ANKS3: variants seen among roughly 807,000 people sequenced by gnomAD.
The protein encoded by ANKS3 is ankyrin repeat and SAM domain-containing protein 3.
Under a neutral mutation model 80.7 loss-of-function variants are expected in ANKS3, and 62 were observed. The observed-to-expected ratio is 0.77, with a 90% CI of 0.63 to 0.95. The LOEUF (loss-of-function observed/expected upper bound fraction) is 0.95. Among genes scored for constraint, ANKS3 ranks in the 40% least tolerant of loss-of-function variants. ANKS3 has a pLI of 0.00. For missense variants in ANKS3, 1,150 were observed against 883.6 expected (o/e 1.30, Z -3.82); for synonymous variants, 489 against 355.3 (o/e 1.38, Z -4.23).
chr16:4,700,936 T>C, intron 11 of ANKS3, 34 bp downstream of exon 11: 2 of 1,613,098 alleles, frequency 1.2e-6, no homozygotes, highest in Non-Finnish European at 1.7e-6. Flanking sequence ...GTGCCGTCTC[T>C]GAGTGTAACC....
Position 4,700,962 on chromosome 16 carries a change from G to T in ANKS3, c.1284+8C>A. ...GAGTGTAACCTCCAGTTTCACAAGC[G>T]GTCTTACCTGGGGTCCTGAGTAGGG... is the stretch of plus-strand genomic sequence containing the variant. On this transcript the variant is annotated splice_region_variant and intron_variant, in intron 11 of 17. Transcript: ENST00000304283. The T allele has an allele frequency of 6.2e-7, 1 of 1,613,866 alleles. No individual in the cohort carries two copies. Among genetic ancestry groups the T allele is most frequent in the Non-Finnish European group, 8.5e-7 (1 of 1,180,008 alleles).
Position 4,701,511 on chromosome 16 carries a change from C to G in ANKS3, c.1042G>C (p.Val348Leu), listed in dbSNP as rs550173236. The G allele has an allele frequency of 5.0e-6, 8 of 1,611,790 alleles. No homozygotes were observed. The South Asian group carries it at 5.5e-5, about 11-fold the overall frequency. ...CCCTCGCTGCTGCTGCTGCTCTGGA[C>G]GGGCCCCAGGTTGGCACAGAAAGCA... ...EHAFCANLGP[V>L]QSSSSSEGLA... Residue 348 changes from valine to leucine, a missense_variant, in exon 10 of 18, where the codon GTC (valine) becomes CTC (leucine). Physicochemically the swap from Val to Leu is conservative, Grantham distance 32. Transcript: ENST00000304283.
rs550754028 is a variant in ANKS3 at position 4,698,711 on chromosome 16, C to G, written c.1551+89G>C. ...CCTCTCCCCACTGCATCCACCTGAC[C>G]CCTCCACACAGCACCCACCTTTTCT... On this transcript the variant is annotated intron_variant, in intron 13 of 17. Coordinates refer to ENST00000304283, the MANE Select transcript of ANKS3 (RefSeq NM_133450.4). The G allele has an allele frequency of 3.9e-6, 6 of 1,540,614 alleles. No individual in the cohort carries two copies. In the African/African-American group the frequency reaches 6.8e-5, roughly 17 times the overall value.
intron 1 of ANKS3, among the ~76,000 whole-genome samples, chr16:4,732,862 T>C (rs758879956): frequency 6.6e-6 from 1 of 152,090 alleles, no homozygotes; most frequent in Non-Finnish European, 1.5e-5. Flanking sequence ...ATGTGGTACT[T>C]AGACACAATG....
Position 4,731,561 on chromosome 16 carries a change from G to A in ANKS3, c.-52C>T, listed in dbSNP as rs1020297639. The A allele has an allele frequency of 1.8e-5, 16 of 892,602 alleles. No homozygotes were observed. Among genetic ancestry groups the A allele is most frequent in the East Asian group, 1.2e-4 (1 of 8,404 alleles). 55.3% of individuals were successfully genotyped at this position (892,602 alleles called of 1,614,324 possible). A position where few individuals can be genotyped will look rare whatever the true frequency, so the allele number is the denominator to read the frequency against. On this transcript the variant is annotated 5_prime_UTR_variant, in exon 2 of 18. It adds an upstream start codon to the 5' untranslated region. Coordinates refer to ENST00000304283, the MANE Select transcript of ANKS3 (RefSeq NM_133450.4). ...CTCTCAAAGTCCTGGAAATATAGGC[G>A]TGAGCCACTGCACCTGGCCTGTAAA...
In ANKS3 at chr16:4,710,978, G is replaced by A. The variant is rs192809098; in HGVS notation, c.709+3073C>T. Among the ~76,000 whole-genome samples, 398 of 151,712 alleles carry A rather than the reference G, an allele frequency of 2.6e-3. 4 individuals are homozygous for A. The highest frequency in any genetic ancestry group is 9.3e-3 in the African/African-American group (384 of 41,338). Reference sequence around the variant, plus strand: ...TTATTTTTGTATTTTTAGTGGAGACGGGGTTTCACCATGTTGGCCAGGCTG... The same window carrying A: ...TTATTTTTGTATTTTTAGTGGAGACAGGGTTTCACCATGTTGGCCAGGCTG... On this transcript the variant is annotated intron_variant, in intron 7 of 17. Coordinates refer to ENST00000304283, the MANE Select transcript of ANKS3 (RefSeq NM_133450.4).
chr16:4,701,976 A>G, intron 9 of ANKS3, 126 bp downstream of exon 9: 1 of 1,214,066 alleles, frequency 8.2e-7, no homozygotes, highest in Non-Finnish European at 1.1e-6. Flanking sequence ...GTCCACACCT[A>G]CCCCTTTCCT....
rs933955747 is a variant in ANKS3, at chr16:4,712,798, A to T, written c.709+1253T>A. Among the ~76,000 whole-genome samples the T allele has an allele frequency of 2.6e-5, 4 of 152,200 alleles. No individual in the cohort carries two copies. The East Asian group carries it at 7.7e-4, about 29-fold the overall frequency. ...TGTTGAACAATGAGCTAGAGGTGTT[A>T]GCAACTAAACAAAAGAACGGTGCAA... On this transcript the variant is annotated intron_variant, in intron 7 of 17. Coordinates refer to ENST00000304283, the MANE Select transcript of ANKS3 (RefSeq NM_133450.4).
intron 5 of ANKS3, among the ~76,000 whole-genome samples, chr16:4,725,285 G>C (rs1196500683): frequency 6.6e-6 from 1 of 152,194 alleles, no homozygotes; most frequent in Non-Finnish European, 1.5e-5. Flanking sequence ...CCTGAAGCTT[G>C]CTTTTCATGC....
At chr16:4,705,026 T>G in intron 8 of ANKS3, 69 bp downstream of exon 8, 1 of 1,577,504 alleles carries the variant, frequency 6.3e-7, no homozygotes, top group Non-Finnish European at 8.6e-7. Flanking sequence ...TAAGAGCTAT[T>G]CCATTCTTGC....
intron 8 of ANKS3, among the ~76,000 whole-genome samples, chr16:4,703,637 T>G (rs1596361640): frequency 6.6e-6 from 1 of 151,138 alleles, no homozygotes. Context: ...GCCAGGATGG[T>G]CTGGATCTCT....
At chr16:4,725,052 A>C (rs1310733873) in intron 5 of ANKS3, 5 of 403,128 alleles carry the variant, frequency 1.2e-5, no homozygotes, top group Non-Finnish European at 2.2e-5. Context: ...TCTTTGTCCT[A>C]AAGACAGATG....
intron 7 of ANKS3, among the ~76,000 whole-genome samples, chr16:4,707,626 A>G (rs1048520496): frequency 6.6e-6 from 1 of 152,186 alleles, no homozygotes; most frequent in Non-Finnish European, 1.5e-5. Flanking sequence ...GTGAATCTAT[A>G]ACAAGTTATG....
In ANKS3 at chr16:4,708,992, G is replaced by A. The variant is rs148293080; in HGVS notation, c.710-3739C>T. 1.8e-3 allele frequency among the ~76,000 whole-genome samples: 272 copies of A among 152,008 alleles called. 1 individual carries two copies. The highest frequency in any genetic ancestry group is 6.0e-3 in the African/African-American group (247 of 41,466). On this transcript the variant is annotated intron_variant, in intron 7 of 17. Transcript: ENST00000304283. ...TTCAAAATAAGAAGTGAGGCCGGGC[G>A]CAGTGGCTCATGCCTATAATCTCAG...
At position 4,704,014 on chromosome 16, in the gene ANKS3, ACT is replaced by A. The variant is rs531502434; in HGVS notation, c.868+1079_868+1080del. 7.0e-4 allele frequency among the ~76,000 whole-genome samples: 107 copies of A among 152,250 alleles called. 2 individuals carry two copies. In the South Asian group the frequency reaches 0.018, roughly 25 times the overall value. On this transcript the variant is annotated intron_variant, in intron 8 of 17. Coordinates refer to ENST00000304283, the MANE Select transcript of ANKS3 (RefSeq NM_133450.4). ...GGCAGGGACCTTTTGGAAGGAAGAGACTCTGCCACTCAGAACGACCAGCCCGG... is the reference window on the plus strand; with the variant it reads ...GGCAGGGACCTTTTGGAAGGAAGAGACTGCCACTCAGAACGACCAGCCCGG...
In ANKS3 at chr16:4,697,339, C is replaced by G. The variant is rs1310557273; in HGVS notation, c.1888G>C (p.Glu630Gln). 1 of 1,605,506 alleles carries G rather than the reference C, an allele frequency of 6.2e-7. No homozygotes were observed. Reference sequence around the variant, plus strand: ...CTGGTCCCCGGAGACTCACCCATCTCACGGACACGGTCCTCCAGGGCTCCC... The same window carrying G: ...CTGGTCCCCGGAGACTCACCCATCTGACGGACACGGTCCTCCAGGGCTCCC... ...LSGALEDRVR[E>Q]MGQALCLVTQ... The change falls in exon 16 of 18, where the codon GAG becomes CAG. Residue 630 changes from glutamate to glutamine, a missense_variant. Coordinates refer to ENST00000304283, the MANE Select transcript of ANKS3 (RefSeq NM_133450.4).
intron 5 of ANKS3, 38 bp from the exon 6 acceptor site, chr16:4,724,869 A>G: frequency 6.2e-7 from 1 of 1,604,568 alleles, no homozygotes; most frequent in Admixed American, 1.7e-5. Context: ...ATTGGAAGAG[A>G]CAAGTTCCGC....
chr16:4,697,184 G>T, intron 16 of ANKS3, 80 bp from the exon 17 acceptor site: 2 of 1,572,564 alleles, frequency 1.3e-6, no homozygotes. Context: ...TCAGCTGCAG[G>T]ATGTGACCTG....
chr16:4,710,578 G>C (rs1322930819), intron 7 of ANKS3, among the ~76,000 whole-genome samples: 4 of 151,988 alleles, frequency 2.6e-5, no homozygotes, highest in African/African-American at 9.7e-5. Context: ...GCGTGGTAGG[G>C]TGCACCTACA....
Sources: gnomAD v4.1 joint callset for allele counts (sites outside exome capture counted in the v4.1 genomes callset) on GRCh38, gnomAD v4.1.1 for gene constraint, MANE v1.5 for transcripts, NCBI Gene and HGNC (gene_info 2026-07-23, HGNC 2026-07-21) for gene names.